The following ST8SIA1 variants were observed in gnomAD, a reference collection of about 807,000 sequenced individuals.
ST8SIA1 encodes ST8 alpha-N-acetyl-neuraminide alpha-2,8-sialyltransferase 1.
ST8SIA1 carries 16 observed loss-of-function variants against 35.9 expected under a neutral mutation model. The observed-to-expected ratio is 0.45, with a 90% confidence interval of 0.30 to 0.68. The LOEUF (loss-of-function observed/expected upper bound fraction) is 0.68, where lower values mean the gene tolerates loss of function less well. Among genes scored for constraint, ST8SIA1 ranks in the 30% least tolerant of loss-of-function variants. The pLI, the probability that ST8SIA1 is intolerant of heterozygous loss-of-function variation, is 0.09. For missense variants in ST8SIA1, 383 were observed against 453.6 expected, an observed-to-expected ratio of 0.84 and a Z score of 1.41; for synonymous variants, 170 against 169.6, an observed-to-expected ratio of 1.00 and a Z score of -0.02.
At chr12:22,243,166 G>T (rs1357969332) in intron 4 of ST8SIA1, among the ~76,000 whole-genome samples, 1 of 152,072 alleles carries the variant, frequency 6.6e-6, no homozygotes, top group East Asian at 1.9e-4. Context: ...TTTTCTAACA[G>T]AATTTTACAG....
chr12:22,244,731 C>T (rs1163832633), intron 4 of ST8SIA1, among the ~76,000 whole-genome samples: 5 of 152,158 alleles, frequency 3.3e-5, no homozygotes, highest in South Asian at 2.1e-4. Flanking sequence ...AGATTACAGG[C>T]GTGAGCCACC....
At chr12:22,257,243 G>T (rs12811237) in intron 2 of ST8SIA1, among the ~76,000 whole-genome samples, 1 of 151,688 alleles carries the variant, frequency 6.6e-6, no homozygotes, top group African/African-American at 2.4e-5. Context: ...AGACAGTCTC[G>T]CTTAGTCACC....
chr12:22,251,416 C>A (rs1330264020), intron 3 of ST8SIA1, among the ~76,000 whole-genome samples: 2 of 152,148 alleles, frequency 1.3e-5, no homozygotes, highest in Admixed American at 6.5e-5. Flanking sequence ...GAGGTGAATG[C>A]TTAAAACCAT....
chr12:22,281,102 C>G (rs1002673668), intron 2 of ST8SIA1, among the ~76,000 whole-genome samples: 2 of 152,084 alleles, frequency 1.3e-5, no homozygotes, highest in African/African-American at 4.8e-5. Flanking sequence ...GGGTTCCTGG[C>G]ATTACCCAAA....
chr12:22,307,000 C>T (rs947829324), intron 1 of ST8SIA1, among the ~76,000 whole-genome samples: 1 of 152,136 alleles, frequency 6.6e-6, no homozygotes, highest in Non-Finnish European at 1.5e-5. Context: ...CAGATTCCTA[C>T]CCTTTGTGAA....
intron 2 of ST8SIA1, among the ~76,000 whole-genome samples, chr12:22,265,825 A>C (rs932868251): frequency 2.0e-5 from 3 of 152,030 alleles, no homozygotes; most frequent in Admixed American, 2.0e-4. Context: ...CTTGCCTATC[A>C]TCAATCCTTC....
At chr12:22,304,344 T>C (rs926344176) in intron 1 of ST8SIA1, among the ~76,000 whole-genome samples, 4 of 149,242 alleles carry the variant, frequency 2.7e-5, no homozygotes, top group Non-Finnish European at 5.9e-5. Flanking sequence ...CTTTTTTTTT[T>C]TTTTTTTTTT....
intron 1 of ST8SIA1, among the ~76,000 whole-genome samples, chr12:22,301,635 T>C (rs1194965478): frequency 1.3e-5 from 2 of 152,210 alleles, no homozygotes; most frequent in African/African-American, 4.8e-5. Flanking sequence ...AGAAACTGAT[T>C]ATTTTACCAC....
chr12:22,217,791 T>G (rs994239527), intron 4 of ST8SIA1, among the ~76,000 whole-genome samples: 3 of 152,138 alleles, frequency 2.0e-5, no homozygotes, highest in African/African-American at 7.2e-5. Flanking sequence ...CAAAAGCAAG[T>G]GATGAAAATT....
intron 4 of ST8SIA1, among the ~76,000 whole-genome samples, chr12:22,208,963 A>G (rs547809972): frequency 1.2e-4 from 19 of 152,182 alleles, no homozygotes; most frequent in Non-Finnish European, 2.4e-4. Flanking sequence ...CATTGTCCCA[A>G]AAATTAAGCT....
intron 4 of ST8SIA1, among the ~76,000 whole-genome samples, chr12:22,222,591 T>G (rs1407685080): frequency 2.0e-5 from 3 of 151,920 alleles, no homozygotes; most frequent in Non-Finnish European, 4.4e-5. Context: ...GTAATCTTAT[T>G]GACAGTTAAC....
chr12:22,334,259 G>A lies in ST8SIA1; in HGVS notation c.-27C>T. On this transcript the variant is annotated 5_prime_UTR_variant, in exon 1 of 5. Coordinates refer to ENST00000396037, the MANE Select transcript of ST8SIA1 (RefSeq NM_003034.4). Reference sequence around the variant, plus strand: ...GCAGCCCCGGCGTCCCAGGGGCGGGGGCCGGGGCCTCAGCACAAAGCTAGG... The same window carrying A: ...GCAGCCCCGGCGTCCCAGGGGCGGGAGCCGGGGCCTCAGCACAAAGCTAGG... 6.3e-7 allele frequency: 1 copy of A among 1,586,254 alleles called. No individual in the cohort carries two copies.
chr12:22,328,045 T>G lies in ST8SIA1; in HGVS notation c.236+5952A>C, dbSNP rs550760786. On this transcript the variant is annotated intron_variant, in intron 1 of 4. Transcript: ENST00000396037. ...TCTGGAGACATATTTGGTTGTCTCATTTAGTGGACAGAGGCCAGGGATGCT... is the reference window on the plus strand; with the variant it reads ...TCTGGAGACATATTTGGTTGTCTCAGTTAGTGGACAGAGGCCAGGGATGCT... Among the ~76,000 whole-genome samples the G allele has an allele frequency of 2.0e-5, 3 of 152,324 alleles. No homozygotes were observed. In the East Asian group the frequency reaches 5.8e-4, roughly 29 times the overall value.
intron 1 of ST8SIA1, among the ~76,000 whole-genome samples, chr12:22,305,379 CT>C (rs71053397): frequency 0.12 from 15,680 of 132,874 alleles, 701 homozygotes; most frequent in Middle Eastern, 0.22. Flanking sequence ...TTCCAGCATA[CT>C]TTTTTTTTTT....
At chr12:22,234,660 C>T (rs1266206679) in intron 4 of ST8SIA1, among the ~76,000 whole-genome samples, 3 of 152,270 alleles carry the variant, frequency 2.0e-5, no homozygotes, top group African/African-American at 7.2e-5. Flanking sequence ...ATTTTAAATG[C>T]CAATCAAACT....
At chr12:22,304,755 C>A (rs1866363436) in intron 1 of ST8SIA1, among the ~76,000 whole-genome samples, 1 of 152,200 alleles carries the variant, frequency 6.6e-6, no homozygotes, top group South Asian at 2.1e-4. Flanking sequence ...CATAATAATT[C>A]TCCTTTTTTG....
chr12:22,267,089 C>T (rs901212821), intron 2 of ST8SIA1, among the ~76,000 whole-genome samples: 1 of 152,130 alleles, frequency 6.6e-6, no homozygotes, highest in African/African-American at 2.4e-5. Context: ...TTATTGAGTG[C>T]CAACTAACCA....
At chr12:22,323,840 A>G (rs1866637405) in intron 1 of ST8SIA1, among the ~76,000 whole-genome samples, 2 of 152,062 alleles carry the variant, frequency 1.3e-5, no homozygotes, top group African/African-American at 4.8e-5. Context: ...GAACAACAAC[A>G]CACCTGTCAG....
At chr12:22,321,080 A>ACACCAGACACACCAGG (rs1866594518) in intron 1 of ST8SIA1, among the ~76,000 whole-genome samples, 3 of 151,578 alleles carry the variant, frequency 2.0e-5, no homozygotes, top group Non-Finnish European at 4.4e-5. Context: ...AATCAACCAG[A>ACACCAGACACACCAGG]CACCAGACAC....
Sources: allele counts gnomAD v4.1 joint callset (sites outside exome capture counted in the v4.1 genomes callset), GRCh38; gene constraint gnomAD v4.1.1; transcripts MANE v1.5; gene names NCBI Gene and HGNC (gene_info 2026-07-23, HGNC 2026-07-21).